CDH2: variants seen among roughly 807,000 people sequenced by gnomAD.
CDH2 encodes cadherin-2.
Under a neutral mutation model 92.0 loss-of-function variants are expected in CDH2, and 17 were observed. The ratio of observed to expected loss-of-function variants is 0.18; its 90% CI spans 0.13 to 0.28. The LOEUF is 0.28. CDH2 is among the 10% of genes least tolerant of loss of function. The pLI is 1.00. For synonymous variants in CDH2, 419 were observed against 415.9 expected (o/e 1.01, Z -0.09); for missense variants, 862 against 1,133.1 (o/e 0.76, Z 3.44).
chr18:27,933,496 T>C (rs1273148991), intron 6 of CDH2, among the ~76,000 whole-genome samples: 1 of 152,162 alleles, frequency 6.6e-6, no homozygotes, highest in Non-Finnish European at 1.5e-5. Flanking sequence ...ATGTCCTGAA[T>C]ATTATGATTT....
At chr18:28,054,234 C>T (rs2014248325) in intron 2 of CDH2, among the ~76,000 whole-genome samples, 1 of 152,054 alleles carries the variant, frequency 6.6e-6, no homozygotes, top group Non-Finnish European at 1.5e-5. Context: ...TGCATAAGAA[C>T]CATGGACTCA....
chr18:28,128,326 T>C lies in CDH2; in HGVS notation c.172+19347A>G, dbSNP rs151150924. ...TGCATCAATAACTCTAGGTGTACAA[T>C]ATAATATTGTCTGTGCACCTAAAAT... is the stretch of plus-strand genomic sequence containing the variant. On this transcript the variant is annotated intron_variant, in intron 2 of 15. Coordinates refer to ENST00000269141, the MANE Select transcript of CDH2 (RefSeq NM_001792.5). Among the ~76,000 whole-genome samples, 12 of 152,248 alleles carry C rather than the reference T, an allele frequency of 7.9e-5. No individual in the cohort carries two copies. In the East Asian group the frequency reaches 2.3e-3, roughly 29 times the overall value.
chr18:28,153,897 A>G (rs1054215195), intron 1 of CDH2, among the ~76,000 whole-genome samples: 8 of 152,146 alleles, frequency 5.3e-5, no homozygotes, highest in Non-Finnish European at 8.8e-5. Flanking sequence ...TAGGTCTCAA[A>G]CTTACTCAAC....
chr18:28,002,253 C>CA (rs1299692925), intron 7 of CDH2, among the ~76,000 whole-genome samples: 96 of 152,216 alleles, frequency 6.3e-4, no homozygotes, highest in Non-Finnish European at 1.6e-4. Flanking sequence ...ATCACATGTA[C>CA]AAAAACACAG....
chr18:27,938,862 G>A (rs1348368806), intron 6 of CDH2, among the ~76,000 whole-genome samples: 3 of 152,172 alleles, frequency 2.0e-5, no homozygotes, highest in Non-Finnish European at 4.4e-5. Context: ...AATCGTGCCT[G>A]CTAAATTGGG....
chr18:28,089,270 T>C (rs1189415101), intron 2 of CDH2, among the ~76,000 whole-genome samples: 4 of 152,172 alleles, frequency 2.6e-5, no homozygotes, highest in Non-Finnish European at 5.9e-5. Flanking sequence ...AGAAAAAAGA[T>C]TTTAGGACCT....
intron 5 of CDH2, among the ~76,000 whole-genome samples, chr18:28,008,617 G>A (rs981961389): frequency 6.6e-6 from 1 of 151,978 alleles, no homozygotes; most frequent in African/African-American, 2.4e-5. Flanking sequence ...AGGGGGGAAG[G>A]ATAGCATTAG....
chr18:28,159,792 G>A (rs990638621), intron 1 of CDH2, among the ~76,000 whole-genome samples: 7 of 152,280 alleles, frequency 4.6e-5, no homozygotes, highest in Admixed American at 1.3e-4. Flanking sequence ...GAATAGCTGG[G>A]ACTACAGGTG....
At chr18:28,085,733 C>T (rs576533074) in intron 2 of CDH2, among the ~76,000 whole-genome samples, 18 of 152,270 alleles carry the variant, frequency 1.2e-4, no homozygotes, top group Non-Finnish European at 1.8e-4. Context: ...GTCCCATACT[C>T]TATATTCCTA....
At chr18:27,939,463 G>A (rs962676290) in intron 6 of CDH2, among the ~76,000 whole-genome samples, 7 of 152,096 alleles carry the variant, frequency 4.6e-5, no homozygotes. Context: ...TGGAGGGGGT[G>A]GTTTTTATCC....
chr18:27,959,384 A>T (rs1289172780), intron 15 of CDH2: 1 of 152,218 alleles, frequency 6.6e-6, no homozygotes, highest in Non-Finnish European at 1.5e-5. Flanking sequence ...AAGCACTCCA[A>T]TTATAATCAC....
At chr18:28,168,199 C>T (rs924290694) in intron 1 of CDH2, among the ~76,000 whole-genome samples, 2 of 151,914 alleles carry the variant, frequency 1.3e-5, no homozygotes, top group Admixed American at 1.3e-4. Flanking sequence ...CAAGTGTATC[C>T]ACCCACCAAC....
At chr18:28,139,428 G>C (rs563057202) in intron 2 of CDH2, among the ~76,000 whole-genome samples, 1 of 151,890 alleles carries the variant, frequency 6.6e-6, no homozygotes, top group African/African-American at 2.4e-5. Context: ...TTTTAATGAA[G>C]AACTCAATCT....
intron 1 of CDH2, among the ~76,000 whole-genome samples, chr18:28,166,536 AG>A (rs2144362758): frequency 6.6e-6 from 1 of 152,174 alleles, no homozygotes; most frequent in East Asian, 1.9e-4. Context: ...AAACAAAAAA[AG>A]ATAGAACTGT....
intron 2 of CDH2, among the ~76,000 whole-genome samples, chr18:28,111,470 C>T (rs1276567136): frequency 6.6e-6 from 1 of 152,130 alleles, no homozygotes; most frequent in Non-Finnish European, 1.5e-5. Flanking sequence ...GAAAGCACTC[C>T]GTCCTATAAT....
At chr18:28,139,339 G>T in intron 2 of CDH2, among the ~76,000 whole-genome samples, 1 of 151,838 alleles carries the variant, frequency 6.6e-6, no homozygotes, top group South Asian at 2.1e-4. Context: ...CAAACATATT[G>T]TAACTCCCAT....
intron 1 of CDH2, among the ~76,000 whole-genome samples, chr18:28,157,895 G>C (rs1014491988): frequency 1.3e-5 from 2 of 152,108 alleles, no homozygotes; most frequent in African/African-American, 4.8e-5. Flanking sequence ...AGTATACATG[G>C]AAAGTTATCA....
chr18:28,090,352 A>G (rs544815858), intron 2 of CDH2, among the ~76,000 whole-genome samples: 1 of 152,290 alleles, frequency 6.6e-6, no homozygotes, highest in African/African-American at 2.4e-5. Flanking sequence ...TGTGTATTGG[A>G]CAATAATTCC....
At chr18:28,018,637 C>G (rs545772456) in intron 2 of CDH2, among the ~76,000 whole-genome samples, 1 of 151,984 alleles carries the variant, frequency 6.6e-6, no homozygotes, top group Admixed American at 6.6e-5. Context: ...TACCACCTCA[C>G]TCTGTAAGAA....
Sources: allele counts gnomAD v4.1 joint callset (sites outside exome capture counted in the v4.1 genomes callset), GRCh38; gene constraint gnomAD v4.1.1; transcripts MANE v1.5; gene names NCBI Gene and HGNC (gene_info 2026-07-23, HGNC 2026-07-21).